PLCH1: variants seen among roughly 807,000 people sequenced by gnomAD.
PLCH1 encodes the protein 1-phosphatidylinositol 4,5-bisphosphate phosphodiesterase eta-1.
Under a neutral mutation model 126.7 loss-of-function variants are expected in PLCH1, and 60 were observed. The observed-to-expected ratio is 0.47, with a 90% CI of 0.38 to 0.59. The LOEUF (loss-of-function observed/expected upper bound fraction) is 0.59, where lower values mean the gene tolerates loss of function less well. PLCH1 is among the 20% of genes least tolerant of loss of function. The probability of loss-of-function intolerance (pLI) is 0.00; values close to 1 mark genes in which losing one functional copy is unlikely to be tolerated. For synonymous variants in PLCH1, 719 were observed against 734.9 expected (o/e 0.98, Z 0.35); for missense variants, 1,723 against 2,040.0 (o/e 0.84, Z 2.99).
intron 1 of PLCH1, among the ~76,000 whole-genome samples, chr3:155,740,727 T>C (rs1749562379): frequency 6.6e-6 from 1 of 152,184 alleles, no homozygotes; most frequent in African/African-American, 2.4e-5. Flanking sequence ...AAGGATTCAA[T>C]ATCTGTCTGC....
intron 21 of PLCH1, among the ~76,000 whole-genome samples, chr3:155,459,638 T>C (rs1442686178): frequency 1.3e-5 from 2 of 152,146 alleles, no homozygotes; most frequent in Non-Finnish European, 2.9e-5. Context: ...CCCAGCTGTT[T>C]ATATTTTCCA....
At chr3:155,725,628 C>CG (rs372405503) in intron 1 of PLCH1, among the ~76,000 whole-genome samples, 32 of 152,030 alleles carry the variant, frequency 2.1e-4, no homozygotes, top group Admixed American at 1.9e-3. Flanking sequence ...TTAGTAGAGA[C>CG]GGGGTTTCAC....
In PLCH1 at chr3:155,482,397, T is replaced by C. The variant is rs1314382471; in HGVS notation, c.3629A>G (p.His1210Arg). The C allele has an allele frequency of 4.3e-6, 7 of 1,614,010 alleles. No homozygotes were observed. The highest frequency in any genetic ancestry group is 1.6e-4 in the Middle Eastern group (1 of 6,084). The change falls in exon 23 of 23, where the codon CAT becomes CGT. Residue 1210 changes from histidine (H) to arginine (R), a missense_variant. His to Arg is a conservative substitution (Grantham distance 29). Coordinates refer to ENST00000460012, the MANE Select transcript of PLCH1 (RefSeq NM_014996.4). ...NQALTVVSHL[H>R]NTSVMSGHCP... is the part of the protein sequence containing the mutation. ...ATGGCCTGACATCACACTGGTATTA[T>C]GAAGATGAGAAACAACTGTGAGAGC...
intron 1 of PLCH1, among the ~76,000 whole-genome samples, chr3:155,710,105 G>A (rs978559866): frequency 1.4e-4 from 21 of 151,916 alleles, no homozygotes; most frequent in Non-Finnish European, 2.5e-4. Context: ...CTTCTGCCTC[G>A]GCCTCCCGAC....
chr3:155,530,894 C>T (rs1241422906), intron 10 of PLCH1, among the ~76,000 whole-genome samples: 5 of 152,136 alleles, frequency 3.3e-5, no homozygotes, highest in Admixed American at 6.5e-5. Context: ...CATAGAACAA[C>T]GAGCTACAGA....
chr3:155,612,343 A>G (rs1735213944), intron 2 of PLCH1, among the ~76,000 whole-genome samples: 1 of 151,360 alleles, frequency 6.6e-6, no homozygotes, highest in Non-Finnish European at 1.5e-5. Context: ...AAAAAAAAAA[A>G]AAGAAGAGGA....
At chr3:155,739,873 C>T (rs957394036) in intron 1 of PLCH1, among the ~76,000 whole-genome samples, 27 of 152,122 alleles carry the variant, frequency 1.8e-4, no homozygotes, top group Admixed American at 1.8e-3. Flanking sequence ...AAAATAAGTG[C>T]CATCACGTTA....
At chr3:155,659,827 T>A (rs1489774680) in intron 2 of PLCH1, among the ~76,000 whole-genome samples, 4 of 151,604 alleles carry the variant, frequency 2.6e-5, no homozygotes, top group African/African-American at 9.7e-5. Flanking sequence ...AGAGATGGAG[T>A]CTCACTATGT....
Position 155,458,385 on chromosome 3 carries a change from A to AGAAG in PLCH1, c.2938+26967_2938+26970dup, listed in dbSNP as rs781003032. 5.0e-3 allele frequency among the ~76,000 whole-genome samples: 194 copies of AGAAG among 38,858 alleles called. 4 individuals are homozygous for AGAAG. Among genetic ancestry groups the AGAAG allele is most frequent in the Middle Eastern group, 0.01 (1 of 100 alleles). 25.5% of individuals were successfully genotyped at this position (38,858 alleles called of 152,430 possible). Reference sequence around the variant, plus strand: ...AAAGAAAGAAGAAAGAAAGAAAGAAAGAAGGAAGGAAGGAAGGAAGGAAGG... The same window carrying AGAAG: ...AAAGAAAGAAGAAAGAAAGAAAGAAAGAAGGAAGGAAGGAAGGAAGGAAGGAAGG... On this transcript the variant is annotated intron_variant, in intron 21 of 21. Coordinates refer to the PLCH1 transcript ENST00000494598.
At chr3:155,611,524 A>G (rs1199641751) in intron 2 of PLCH1, among the ~76,000 whole-genome samples, 2 of 152,210 alleles carry the variant, frequency 1.3e-5, no homozygotes, top group African/African-American at 4.8e-5. Context: ...TTATTAAACA[A>G]TTACTACTAG....
intron 22 of PLCH1, 122 bp downstream of exon 22, chr3:155,485,232 CAA>C: frequency 1.6e-6 from 1 of 642,350 alleles, no homozygotes; most frequent in East Asian, 2.8e-5. Flanking sequence ...GATCACATTA[CAA>C]AGTATTTATT....
intron 2 of PLCH1, among the ~76,000 whole-genome samples, chr3:155,665,383 T>G (rs577264292): frequency 6.6e-6 from 1 of 152,252 alleles, no homozygotes; most frequent in East Asian, 1.9e-4. Flanking sequence ...AAGGATGAGT[T>G]TACCAGGCCA....
Position 155,710,970 on chromosome 3 carries a change from C to CTT in PLCH1, c.-40-6708_-40-6707dup, listed in dbSNP as rs35033002. On this transcript the variant is annotated intron_variant, in intron 1 of 22. Coordinates refer to ENST00000460012, the MANE Select transcript of PLCH1 (RefSeq NM_014996.4). ...AGACAATGACCATGGGCACTGTGGTCTTTTTTTTTTTTTTTTTAACACAAA... is the reference window on the plus strand; with the variant it reads ...AGACAATGACCATGGGCACTGTGGTCTTTTTTTTTTTTTTTTTTTAACACAAA... Among the ~76,000 whole-genome samples the CTT allele has an allele frequency of 6.4e-3, 868 of 136,112 alleles. 8 individuals are homozygous for CTT. The highest frequency in any genetic ancestry group is 0.024 in the South Asian group (105 of 4,404). The allele number at this position is 136,112 out of a possible 152,430, so 89.3% of individuals were successfully genotyped here.
At position 155,497,344 on chromosome 3, in the gene PLCH1, C is replaced by T. The variant is rs756274769; in HGVS notation, c.1870G>A (p.Ala624Thr). The change falls in exon 15 of 23, where the codon GCC becomes ACC. Residue 624 changes from alanine (A) to threonine (T), a missense_variant. By Grantham distance (58) the Ala-to-Thr change is moderately conservative. Transcript: ENST00000460012. Reference protein sequence around the residue: ...SDLVVYTNSVAAQDIVDDGTT... With the variant: ...SDLVVYTNSVTAQDIVDDGTT... ...CCGTCATCCACAATGTCCTGAGCGGCCACGGAGTTTGTGTACACAACCAAA... is the reference window on the plus strand; with the variant it reads ...CCGTCATCCACAATGTCCTGAGCGGTCACGGAGTTTGTGTACACAACCAAA... 3.1e-6 allele frequency: 5 copies of T among 1,612,776 alleles called. No individual in the cohort carries two copies. Among genetic ancestry groups the T allele is most frequent in the Non-Finnish European group, 4.2e-6 (5 of 1,178,752 alleles).
In PLCH1 at chr3:155,719,944, C is replaced by T. The variant is rs146725198; in HGVS notation, c.-40-15680G>A. On this transcript the variant is annotated intron_variant, in intron 1 of 22. Transcript: ENST00000460012. ...CCGAGTAGCTGGGATTACAGTCATG[C>T]GCCACCATGCCCGGCTAATTTTTGT... Among the ~76,000 whole-genome samples, 177 of 152,030 alleles carry T rather than the reference C, an allele frequency of 1.2e-3. 2 individuals carry two copies. Among genetic ancestry groups the T allele is most frequent in the Middle Eastern group, 6.8e-3 (2 of 294 alleles).
At chr3:155,683,120 T>C (rs1172527161) in intron 2 of PLCH1, among the ~76,000 whole-genome samples, 1 of 152,220 alleles carries the variant, frequency 6.6e-6, no homozygotes, top group African/African-American at 2.4e-5. Flanking sequence ...AGCATCTGAA[T>C]CTCAAAACAA....
intron 21 of PLCH1, among the ~76,000 whole-genome samples, chr3:155,469,976 A>G (rs1713120561): frequency 6.6e-6 from 1 of 152,228 alleles, no homozygotes. Context: ...AAGATAGGGA[A>G]AAAACAGAAC....
At chr3:155,514,654 G>T in intron 12 of PLCH1, 69 bp downstream of exon 12, 1 of 1,050,738 alleles carries the variant, frequency 9.5e-7, no homozygotes, top group Non-Finnish European at 1.3e-6. Context: ...TTTCACAAAT[G>T]ATTAGAAACA....
At chr3:155,560,587 T>A (rs150742773) in intron 8 of PLCH1, among the ~76,000 whole-genome samples, 1 of 152,214 alleles carries the variant, frequency 6.6e-6, no homozygotes, top group Non-Finnish European at 1.5e-5. Flanking sequence ...GCCCATTTTT[T>A]AAGCATGTTG....
Sources: allele counts gnomAD v4.1 joint callset (sites outside exome capture counted in the v4.1 genomes callset), GRCh38; gene constraint gnomAD v4.1.1; transcripts MANE v1.5; gene names NCBI Gene and HGNC (gene_info 2026-07-23, HGNC 2026-07-21).